The following SUPT20H variants were observed in gnomAD, a reference collection of about 807,000 sequenced individuals.
SUPT20H encodes transcription factor SPT20 homolog.
Under a neutral mutation model 122.8 loss-of-function variants are expected in SUPT20H, and 82 were observed. The observed-to-expected ratio is 0.67, with a 90% confidence interval of 0.56 to 0.80. The LOEUF is 0.80. Ranked by LOEUF, SUPT20H falls within the 30% of genes least tolerant of loss-of-function variation. The probability of loss-of-function intolerance (pLI) is 0.00; values close to 1 mark genes in which losing one functional copy is unlikely to be tolerated. For synonymous variants in SUPT20H, 291 were observed against 313.0 expected (o/e 0.93, Z 0.74); for missense variants, 831 against 921.6 (o/e 0.90, Z 1.27).
At chr13:37,041,273 T>A (rs1027732657) in intron 7 of SUPT20H, among the ~76,000 whole-genome samples, 2 of 152,174 alleles carry the variant, frequency 1.3e-5, no homozygotes, top group Non-Finnish European at 2.9e-5. Flanking sequence ...TAATCCCAGC[T>A]TTGGGAGGCC....
chr13:37,057,907 G>A (rs1295845523), intron 1 of SUPT20H, among the ~76,000 whole-genome samples: 4 of 147,562 alleles, frequency 2.7e-5, no homozygotes, highest in Non-Finnish European at 5.9e-5. Flanking sequence ...CTGGGAGGTG[G>A]AGGCTGCAGT....
At chr13:37,035,140 T>C (rs1033747484) in intron 9 of SUPT20H, among the ~76,000 whole-genome samples, 1 of 152,238 alleles carries the variant, frequency 6.6e-6, no homozygotes, top group African/African-American at 2.4e-5. Flanking sequence ...AGGACTAATT[T>C]TGACTTTCAA....
At chr13:37,056,411 T>C (rs992120387) in intron 1 of SUPT20H, among the ~76,000 whole-genome samples, 2 of 152,148 alleles carry the variant, frequency 1.3e-5, no homozygotes, top group Non-Finnish European at 1.5e-5. Flanking sequence ...GTGGCACATA[T>C]ACACCATGGA....
In SUPT20H at chr13:37,048,599, G is replaced by T; in HGVS notation, c.4C>A (p.Gln2Lys). Residue 2 changes from glutamine (Q) to lysine (K), a missense_variant and splice_region_variant, in exon 3 of 26, where the codon CAA becomes AAA. By Grantham distance (53) the Gln-to-Lys change is moderately conservative. Coordinates refer to ENST00000350612, the MANE Select transcript of SUPT20H (RefSeq NM_001014286.3). Reference sequence around the variant, plus strand: ...TCCAAAGCTAGTTCTAAAGCTTGTTGCTGTAAAAAGTAAATAGTATATTTG... The same window carrying T: ...TCCAAAGCTAGTTCTAAAGCTTGTTTCTGTAAAAAGTAAATAGTATATTTG... M[Q>K]QALELALDRA... The T allele has an allele frequency of 6.3e-7, 1 of 1,597,256 alleles. No homozygotes were observed.
intron 23 of SUPT20H, 37 bp downstream of exon 23, chr13:37,017,208 C>T (rs770172686): frequency 1.1e-5 from 17 of 1,613,320 alleles, no homozygotes; most frequent in Middle Eastern, 1.7e-4. Flanking sequence ...GTTATAAATT[C>T]GATGTAAAAG....
chr13:37,030,738 C>G (rs2063146225), intron 12 of SUPT20H, among the ~76,000 whole-genome samples: 1 of 152,148 alleles, frequency 6.6e-6, no homozygotes, highest in African/African-American at 2.4e-5. Context: ...TCCTCCAAAG[C>G]TAAATTCCAC....
chr13:37,053,487 C>G lies in SUPT20H; in HGVS notation c.-93-1904G>C, dbSNP rs1684014519. Among the ~76,000 whole-genome samples, 4 of 150,480 alleles carry G rather than the reference C, an allele frequency of 2.7e-5. No individual in the cohort carries two copies. The Admixed American group carries it at 2.7e-4, about 10-fold the overall frequency. Reference sequence around the variant, plus strand: ...GAGCTGAACAGTGAGACCACATGGACACAGGGAGGGGAACATCACACGCTG... The same window carrying G: ...GAGCTGAACAGTGAGACCACATGGAGACAGGGAGGGGAACATCACACGCTG... On this transcript the variant is annotated intron_variant, in intron 1 of 25. Transcript: ENST00000350612.
intron 23 of SUPT20H, among the ~76,000 whole-genome samples, chr13:37,016,080 T>TTCATAACAA (rs2060427190): frequency 6.6e-6 from 1 of 152,174 alleles, no homozygotes; most frequent in South Asian, 2.1e-4. Context: ...TAGAAATCTG[T>TTCATAACAA]TGCATAACAA....
Position 37,025,448 on chromosome 13 carries a change from A to G in SUPT20H, c.1212-11T>C, listed in dbSNP as rs760428631. 6 of 1,566,538 alleles carry G rather than the reference A, an allele frequency of 3.8e-6. No homozygotes were observed. The highest frequency in any genetic ancestry group is 3.4e-4 in the Middle Eastern group (2 of 5,918). ...TACTGATTGACTACCCTAAAATATC[A>G]GGAGAAAACAGGTAAAGATTAGAAA... is the stretch of plus-strand genomic sequence containing the variant. On this transcript the variant is annotated splice_polypyrimidine_tract_variant and intron_variant, in intron 16 of 25. Transcript: ENST00000350612.
In SUPT20H at chr13:37,045,526, C is replaced by T. The variant is rs560645071; in HGVS notation, c.166-153G>A. ...ATGGAGAAGGCTCACAAAACTATAG[C>T]CACTACGTATGGGACAGCTATGTAA... On this transcript the variant is annotated intron_variant, in intron 5 of 25. Transcript: ENST00000350612. 49 of 930,648 alleles carry T rather than the reference C, an allele frequency of 5.3e-5. No individual in the cohort carries two copies. In the Middle Eastern group the frequency reaches 1.0e-3, roughly 19 times the overall value. 57.6% of individuals were successfully genotyped at this position (930,648 alleles called of 1,614,324 possible).
At position 37,033,446 on chromosome 13, in the gene SUPT20H, T is replaced by C. The variant is rs1157885237; in HGVS notation, c.707+3A>G. 9 of 1,608,874 alleles carry C rather than the reference T, an allele frequency of 5.6e-6. No individual in the cohort carries two copies. The highest frequency in any genetic ancestry group is 7.6e-6 in the Non-Finnish European group (9 of 1,177,784). ...TGGTTCACCCTTCCACAAAGGCAATTACCGTTTCATTGGGCGAGTGTTCAT... is the reference window on the plus strand; with the variant it reads ...TGGTTCACCCTTCCACAAAGGCAATCACCGTTTCATTGGGCGAGTGTTCAT... On this transcript the variant is annotated splice_donor_region_variant and intron_variant, in intron 10 of 25. Transcript: ENST00000350612.
intron 10 of SUPT20H, 64 bp downstream of exon 10, chr13:37,033,385 C>A (rs1398483050): frequency 6.3e-7 from 1 of 1,575,382 alleles, no homozygotes; most frequent in East Asian, 2.3e-5. Context: ...GGAAAAGATA[C>A]TATAAATAGC....
intron 23 of SUPT20H, among the ~76,000 whole-genome samples, chr13:37,014,181 T>C (rs1435807997): frequency 1.3e-5 from 2 of 152,122 alleles, no homozygotes; most frequent in Admixed American, 6.5e-5. Flanking sequence ...AAGAAGGTCA[T>C]TTATTAATGA....
rs759980608 is a variant in SUPT20H, at chr13:37,010,662, AGAG to A, written c.2099-10_2099-8del. 1 of 1,611,828 alleles carries A rather than the reference AGAG, an allele frequency of 6.2e-7. No homozygotes were observed. The highest frequency in any genetic ancestry group is 2.2e-5 in the East Asian group (1 of 44,842). ...GAGCCAAGCTGAGACAACACTACAGAGAGGAGAAGGGGAAAGCAGGCCAGTCAA... is the reference window on the plus strand; with the variant it reads ...GAGCCAAGCTGAGACAACACTACAGAGAGAAGGGGAAAGCAGGCCAGTCAA... On this transcript the variant is annotated splice_polypyrimidine_tract_variant and splice_region_variant and intron_variant, in intron 24 of 25. Coordinates refer to ENST00000350612, the MANE Select transcript of SUPT20H (RefSeq NM_001014286.3).
intron 20 of SUPT20H, 68 bp from the exon 21 acceptor site, chr13:37,021,670 A>C (rs1289220145): frequency 6.7e-7 from 1 of 1,486,820 alleles, no homozygotes; most frequent in Non-Finnish European, 9.0e-7. Flanking sequence ...ACAATTCCTC[A>C]GATTAAAAAA....
chr13:37,025,258 A>T, intron 17 of SUPT20H, 62 bp downstream of exon 17: 1 of 1,383,784 alleles, frequency 7.2e-7, no homozygotes, highest in Non-Finnish European at 1.0e-6. Flanking sequence ...AATGATTCTT[A>T]ACATTTCTCA....
In SUPT20H at chr13:37,012,351, T is replaced by C. The variant is rs111588435; in HGVS notation, c.1993-54A>G. Reference sequence around the variant, plus strand: ...ACAAGAAAGAAAAACAAATTTGAGCTGGTGAAAAGAAATCAGTATTTTTTC... The same window carrying C: ...ACAAGAAAGAAAAACAAATTTGAGCCGGTGAAAAGAAATCAGTATTTTTTC... On this transcript the variant is annotated intron_variant, in intron 23 of 25. Coordinates refer to ENST00000350612, the MANE Select transcript of SUPT20H (RefSeq NM_001014286.3). The C allele has an allele frequency of 1.7e-3, 2,339 of 1,391,860 alleles. 28 individuals carry two copies. The African/African-American group carries it at 0.03, about 18-fold the overall frequency. The allele number at this position is 1,391,860 out of a possible 1,614,324, so 86.2% of individuals were successfully genotyped here.
chr13:37,019,680 A>C (rs1164985911), intron 21 of SUPT20H, among the ~76,000 whole-genome samples: 6 of 152,216 alleles, frequency 3.9e-5, no homozygotes, highest in Non-Finnish European at 8.8e-5. Flanking sequence ...AACAAAGAGT[A>C]ATCAAGAATT....
At position 37,012,305 on chromosome 13, in the gene SUPT20H, A is replaced by G; in HGVS notation, c.1993-8T>C. On this transcript the variant is annotated splice_polypyrimidine_tract_variant and splice_region_variant and intron_variant, in intron 23 of 25. Coordinates refer to ENST00000350612, the MANE Select transcript of SUPT20H (RefSeq NM_001014286.3). ...TGAACCTTGCTCAGAACCCTGAATA[A>G]AAAAATAATAAATGACTTGTACAAG... 1 of 1,602,086 alleles carries G rather than the reference A, an allele frequency of 6.2e-7. No individual in the cohort carries two copies. The highest frequency in any genetic ancestry group is 1.1e-5 in the South Asian group (1 of 89,282).
Sources: allele counts gnomAD v4.1 joint callset (sites outside exome capture counted in the v4.1 genomes callset), GRCh38; gene constraint gnomAD v4.1.1; transcripts MANE v1.5; gene names NCBI Gene and HGNC (gene_info 2026-07-23, HGNC 2026-07-21).